ZSWIM6: variants seen among roughly 807,000 people sequenced by gnomAD.
ZSWIM6 encodes the protein zinc finger SWIM-type containing 6, also known as zinc finger SWIM domain-containing protein 6.
A neutral mutation model predicts 113.2 loss-of-function variants in ZSWIM6; 9 were observed. That is an observed-to-expected ratio of 0.08 (90% confidence interval 0.05 to 0.14). ZSWIM6 has a LOEUF of 0.14. Ranked by LOEUF, ZSWIM6 falls within the 10% of genes least tolerant of loss-of-function variation. ZSWIM6 has a pLI of 1.00. For missense variants in ZSWIM6, 1,162 were observed against 1,552.2 expected (o/e 0.75, Z 4.22); for synonymous variants, 611 against 606.5 (o/e 1.01, Z -0.11).
chr5:61,536,011 T>G (rs1042755585), intron 10 of ZSWIM6, among the ~76,000 whole-genome samples: 4 of 152,222 alleles, frequency 2.6e-5, no homozygotes, highest in African/African-American at 9.6e-5. Flanking sequence ...GAGGGAGACC[T>G]TCACACCTGC....
intron 4 of ZSWIM6, among the ~76,000 whole-genome samples, chr5:61,505,690 CCCTCCCTTCCTT>C (rs1397209669): frequency 9.5e-6 from 1 of 105,736 alleles, no homozygotes; most frequent in African/African-American, 3.9e-5. Flanking sequence ...TTGCCTCCCT[CCCTCCCTTCCTT>C]CCTCCCTTCC....
intron 5 of ZSWIM6, among the ~76,000 whole-genome samples, chr5:61,524,252 G>A (rs528319830): frequency 3.3e-5 from 5 of 152,042 alleles, no homozygotes; most frequent in African/African-American, 1.2e-4. Context: ...GATTCAAAAC[G>A]TCCTTAAATG....
chr5:61,498,939 G>A (rs1228017957), intron 4 of ZSWIM6, among the ~76,000 whole-genome samples: 3 of 151,910 alleles, frequency 2.0e-5, no homozygotes, highest in Admixed American at 1.3e-4. Context: ...CTTAATAACT[G>A]CCCCCACCAA....
In ZSWIM6 at chr5:61,472,471, A is replaced by G. The variant is rs1452652287; in HGVS notation, c.677-210A>G. Among the ~76,000 whole-genome samples, 1 of 152,206 alleles carries G rather than the reference A, an allele frequency of 6.6e-6. No homozygotes were observed. Among genetic ancestry groups the G allele is most frequent in the Admixed American group, 6.5e-5 (1 of 15,286 alleles). ...ATGGCTGTGTAAAATACTTCAGCATATCAGTTGAATACCATTTATTTATTT... is the reference window on the plus strand; with the variant it reads ...ATGGCTGTGTAAAATACTTCAGCATGTCAGTTGAATACCATTTATTTATTT... On this transcript the variant is annotated intron_variant, in intron 1 of 13. Coordinates refer to ENST00000252744, the MANE Select transcript of ZSWIM6 (RefSeq NM_020928.2). The surrounding 1 kb of genome is among the most constrained non-coding windows in gnomAD (Gnocchi z 4.1).
rs542056847 is a variant in ZSWIM6 at position 61,337,418 on chromosome 5, C to T, written c.676+4470C>T. Among the ~76,000 whole-genome samples, 18 of 152,344 alleles carry T rather than the reference C, an allele frequency of 1.2e-4. No homozygotes were observed. The East Asian group carries it at 1.5e-3, about 13-fold the overall frequency. Reference sequence around the variant, plus strand: ...GATTTGGGAAAAAGGATTCTGCCTACGCTGCTGCTTGACACCATCTTTTTC... The same window carrying T: ...GATTTGGGAAAAAGGATTCTGCCTATGCTGCTGCTTGACACCATCTTTTTC... On this transcript the variant is annotated intron_variant, in intron 1 of 13. Coordinates refer to ENST00000252744, the MANE Select transcript of ZSWIM6 (RefSeq NM_020928.2).
At chr5:61,393,120 A>G (rs1442934335) in intron 1 of ZSWIM6, among the ~76,000 whole-genome samples, 1 of 151,444 alleles carries the variant, frequency 6.6e-6, no homozygotes, top group Non-Finnish European at 1.5e-5. Flanking sequence ...GCTCACTGCA[A>G]CCTCCGCCTC....
At chr5:61,528,195 G>T (rs1236361788) in intron 7 of ZSWIM6, among the ~76,000 whole-genome samples, 1 of 152,062 alleles carries the variant, frequency 6.6e-6, no homozygotes, top group Non-Finnish European at 1.5e-5. Flanking sequence ...TATGGGCCAA[G>T]ATTAGTAAAT....
At chr5:61,366,771 A>G (rs1042564460) in intron 1 of ZSWIM6, among the ~76,000 whole-genome samples, 1 of 152,118 alleles carries the variant, frequency 6.6e-6, no homozygotes, top group Non-Finnish European at 1.5e-5. Flanking sequence ...CTCCACAAAA[A>G]TACAAAAATT....
intron 4 of ZSWIM6, among the ~76,000 whole-genome samples, chr5:61,512,678 A>G (rs1412405513): frequency 6.6e-6 from 1 of 152,136 alleles, no homozygotes; most frequent in Non-Finnish European, 1.5e-5. Flanking sequence ...TATAATACGT[A>G]TATAATGGTA....
chr5:61,434,734 TG>T (rs774904437), intron 1 of ZSWIM6, among the ~76,000 whole-genome samples: 22 of 152,210 alleles, frequency 1.4e-4, no homozygotes, highest in Non-Finnish European at 2.9e-4. Context: ...CAATTGCAAA[TG>T]GTACTGCTAT....
Position 61,504,312 on chromosome 5 carries a change from C to T in ZSWIM6, c.1333+9902C>T, listed in dbSNP as rs116259843. 6.6e-3 allele frequency among the ~76,000 whole-genome samples: 1,004 copies of T among 152,264 alleles called. 14 individuals carry two copies. The highest frequency in any genetic ancestry group is 0.023 in the African/African-American group (964 of 41,560). Reference sequence around the variant, plus strand: ...CAGAAGGGCAATGATTCTCCCTTGCCATCAATGCTGCAGGTAATCTATTGC... The same window carrying T: ...CAGAAGGGCAATGATTCTCCCTTGCTATCAATGCTGCAGGTAATCTATTGC... On this transcript the variant is annotated intron_variant, in intron 4 of 13. Transcript: ENST00000252744.
At chr5:61,474,489 A>G (rs139295875) in intron 2 of ZSWIM6, among the ~76,000 whole-genome samples, 3 of 152,356 alleles carry the variant, frequency 2.0e-5, no homozygotes, top group African/African-American at 7.2e-5. Flanking sequence ...TTAGCTCAAT[A>G]TATCTAAAAT....
In ZSWIM6 at chr5:61,390,855, T is replaced by G. The variant is rs998106042; in HGVS notation, c.676+57907T>G. On this transcript the variant is annotated intron_variant, in intron 1 of 13. Transcript: ENST00000252744. ...GGACTTGTGAAGGGTGAGCACTTGC[T>G]TCTTGGTGTCCACCACACAGTCTTT... 73 of 853,006 alleles carry G rather than the reference T, an allele frequency of 8.6e-5. 1 individual carries two copies. The highest frequency in any genetic ancestry group is 3.5e-4 in the Middle Eastern group (1 of 2,854). The allele number at this position is 853,006 out of a possible 1,614,324, so 52.8% of individuals were successfully genotyped here. A position where few individuals can be genotyped will look rare whatever the true frequency, so the allele number is the denominator to read the frequency against.
At chr5:61,475,093 A>C (rs2112188569) in intron 2 of ZSWIM6, among the ~76,000 whole-genome samples, 1 of 152,370 alleles carries the variant, frequency 6.6e-6, no homozygotes, top group Admixed American at 6.5e-5. Context: ...AAATTCGGGC[A>C]GCTAATGGTC....
rs1580073322 is a variant in ZSWIM6, at chr5:61,539,660, C to T, written c.2604C>T (p.His868=). The part of the protein sequence containing the change: ...SIQKNIHSSS[H]IFKLAQDAFK... ...AGAAAAACATTCACTCCTCATCACACATCTTCAAGCTTGCCCAAGATGCAT... is the reference window on the plus strand; with the variant it reads ...AGAAAAACATTCACTCCTCATCACATATCTTCAAGCTTGCCCAAGATGCAT... Residue 868 remains histidine, a synonymous_variant, in exon 12 of 14, where the codon CAC becomes CAT. Coordinates refer to ENST00000252744, the MANE Select transcript of ZSWIM6 (RefSeq NM_020928.2). The T allele has an allele frequency of 6.4e-7, 1 of 1,552,020 alleles. No individual in the cohort carries two copies. Among genetic ancestry groups the T allele is most frequent in the South Asian group, 1.2e-5 (1 of 84,056 alleles).
intron 1 of ZSWIM6, among the ~76,000 whole-genome samples, chr5:61,409,125 C>G (rs1266907897): frequency 9.0e-6 from 1 of 111,378 alleles, no homozygotes; most frequent in Non-Finnish European, 1.7e-5. Flanking sequence ...CTCTGTATTG[C>G]TTCACTTTAG....
intron 1 of ZSWIM6, among the ~76,000 whole-genome samples, chr5:61,350,113 C>A (rs975954370): frequency 6.6e-6 from 1 of 152,228 alleles, no homozygotes; most frequent in Non-Finnish European, 1.5e-5. Context: ...GGGCTGTACT[C>A]TCAGTGCTTG....
At position 61,544,581 on chromosome 5, in the gene ZSWIM6, G is replaced by A. The variant is rs1749838070; in HGVS notation, c.*264G>A. 5.4e-6 allele frequency: 1 copy of A among 183,660 alleles called. No homozygotes were observed. Among genetic ancestry groups the A allele is most frequent in the South Asian group, 1.5e-4 (1 of 6,524 alleles). 11.4% of individuals were successfully genotyped at this position (183,660 alleles called of 1,614,324 possible). A position where few individuals can be genotyped will look rare whatever the true frequency, so the allele number is the denominator to read the frequency against. On this transcript the variant is annotated 3_prime_UTR_variant, in exon 14 of 14. Coordinates refer to ENST00000252744, the MANE Select transcript of ZSWIM6 (RefSeq NM_020928.2). ...TTTGTATGAGAGAGAGGTTAAAAAG[G>A]TTTGGTTTACACTGAGTATATGTTG...
chr5:61,333,147 C>G (rs900810847), intron 1 of ZSWIM6, among the ~76,000 whole-genome samples, 199 bp downstream of exon 1: 2 of 151,826 alleles, frequency 1.3e-5, no homozygotes, highest in Non-Finnish European at 2.9e-5. Flanking sequence ...TCGCCCCGGA[C>G]GGGCCAGCGC....
Sources: gnomAD v4.1 joint callset for allele counts (sites outside exome capture counted in the v4.1 genomes callset) on GRCh38, gnomAD v4.1.1 for gene constraint, Gnocchi (gnomAD v3.1) non-coding constraint, MANE v1.5 for transcripts, NCBI Gene and HGNC (gene_info 2026-07-23, HGNC 2026-07-21) for gene names.